RFTN1: variants seen among roughly 807,000 people sequenced by gnomAD.
RFTN1 encodes the protein raftlin, lipid raft linker 1.
In RFTN1, 26 loss-of-function variants were observed where a neutral mutation model predicts 46.5. The ratio of observed to expected loss-of-function variants is 0.56; its 90% CI spans 0.41 to 0.78. The LOEUF (loss-of-function observed/expected upper bound fraction) is 0.78, where lower values mean the gene tolerates loss of function less well. Among genes scored for constraint, RFTN1 ranks in the 30% least tolerant of loss-of-function variants. RFTN1 has a pLI of 0.00. For missense variants in RFTN1, 693 were observed against 718.7 expected, an observed-to-expected ratio of 0.96 and a Z score of 0.41; for synonymous variants, 261 against 284.2, an observed-to-expected ratio of 0.92 and a Z score of 0.82.
intron 6 of RFTN1, among the ~76,000 whole-genome samples, chr3:16,358,412 A>G (rs893643343): frequency 6.6e-6 from 1 of 151,192 alleles, no homozygotes; most frequent in Non-Finnish European, 1.5e-5. Flanking sequence ...TTTAGAAGCA[A>G]ACTATATTTA....
In RFTN1 at chr3:16,352,598, CA is replaced by C. The variant is rs754649571; in HGVS notation, c.1146+5333del. 2.6e-5 allele frequency among the ~76,000 whole-genome samples: 4 copies of C among 152,182 alleles called. No homozygotes were observed. The highest frequency in any genetic ancestry group is 5.9e-5 in the Non-Finnish European group (4 of 68,032). ...ATTTGACTCTACAGGTTCCCTAGCC[CA>C]ACCTCCTCTGTGCTTTTAGCATAAA... On this transcript the variant is annotated intron_variant, in intron 7 of 9. Coordinates refer to ENST00000334133, the MANE Select transcript of RFTN1 (RefSeq NM_015150.2). This position sits in a 1 kb window ranked among gnomAD's most constrained non-coding sequence, Gnocchi z 4.6.
rs1280523718 is a variant in RFTN1 at position 16,507,383 on chromosome 3, C to A, written c.-9+6059G>T. The stretch of plus-strand genomic sequence containing the variant: ...ATTAAAGAAGTGTTTAAATAAACAA[C>A]CTGATTTCTTGTGCTTTATATTTCC... On this transcript the variant is annotated intron_variant, in intron 1 of 9. Transcript: ENST00000334133. This position sits in a 1 kb window ranked among gnomAD's most constrained non-coding sequence, Gnocchi z 7.1. 1.3e-5 allele frequency among the ~76,000 whole-genome samples: 2 copies of A among 152,096 alleles called. No individual in the cohort carries two copies. The highest frequency in any genetic ancestry group is 2.9e-5 in the Non-Finnish European group (2 of 68,026).
In RFTN1 at chr3:16,493,936, C is replaced by T. The variant is rs919442772; in HGVS notation, c.-8-59G>A. The T allele has an allele frequency of 1.1e-5, 17 of 1,593,222 alleles. No homozygotes were observed. In the African/African-American group the frequency reaches 1.9e-4, roughly 18 times the overall value. ...TTTTTTCTGAGATTTTGTCTTTAAA[C>T]ACCCTAGTATAAAAGATGCCGTAAT... On this transcript the variant is annotated intron_variant, in intron 1 of 9. Coordinates refer to ENST00000334133, the MANE Select transcript of RFTN1 (RefSeq NM_015150.2).
At chr3:16,373,209 G>A (rs1490654497) in intron 5 of RFTN1, among the ~76,000 whole-genome samples, 1 of 152,216 alleles carries the variant, frequency 6.6e-6, no homozygotes, top group Non-Finnish European at 1.5e-5. Context: ...GGAAGGCATT[G>A]TTTTTGAGAA....
rs973915103 is a variant in RFTN1 at position 16,509,110 on chromosome 3, A to G, written c.-9+4332T>C. Among the ~76,000 whole-genome samples, 13 of 152,192 alleles carry G rather than the reference A, an allele frequency of 8.5e-5. No individual in the cohort carries two copies. Among genetic ancestry groups the G allele is most frequent in the Admixed American group, 6.5e-5 (1 of 15,278 alleles). The stretch of plus-strand genomic sequence containing the variant: ...TTCAATAAAATTGTAATCCTAATCA[A>G]CCAATAATATTTTAAATTATCATCA... On this transcript the variant is annotated intron_variant, in intron 1 of 9. Coordinates refer to ENST00000334133, the MANE Select transcript of RFTN1 (RefSeq NM_015150.2). The surrounding 1 kb of genome is among the most constrained non-coding windows in gnomAD (Gnocchi z 4.9).
rs906271085 is a variant in RFTN1, at chr3:16,504,550, C to T, written c.-9+8892G>A. 6.6e-6 allele frequency among the ~76,000 whole-genome samples: 1 copy of T among 152,202 alleles called. No homozygotes were observed. Among genetic ancestry groups the T allele is most frequent in the Non-Finnish European group, 1.5e-5 (1 of 68,032 alleles). On this transcript the variant is annotated intron_variant, in intron 1 of 9. Transcript: ENST00000334133. This position sits in a 1 kb window ranked among gnomAD's most constrained non-coding sequence, Gnocchi z 4.4. ...TTTCCCTCAAAGATGTGAAATATCC[C>T]TTGGCCACCCTGTGCCTTTGCTGCA...
intron 6 of RFTN1, among the ~76,000 whole-genome samples, chr3:16,362,255 T>C (rs1169847491): frequency 6.6e-6 from 1 of 152,172 alleles, no homozygotes; most frequent in Non-Finnish European, 1.5e-5. Context: ...AACTTCTTGT[T>C]TCCCATCCTG....
chr3:16,359,649 A>AC (rs2072700366), intron 6 of RFTN1, among the ~76,000 whole-genome samples: 1 of 152,200 alleles, frequency 6.6e-6, no homozygotes, highest in Non-Finnish European at 1.5e-5. Context: ...TTGACCATGG[A>AC]CTTCTATCCT....
chr3:16,399,116 CTAAAA>C (rs2074542435), intron 4 of RFTN1, among the ~76,000 whole-genome samples: 1 of 152,014 alleles, frequency 6.6e-6, no homozygotes, highest in Admixed American at 6.6e-5. Context: ...GCTCCAAATG[CTAAAA>C]ATTACATAAA....
chr3:16,487,733 A>C (rs1326236103), intron 2 of RFTN1, among the ~76,000 whole-genome samples: 1 of 152,176 alleles, frequency 6.6e-6, no homozygotes, highest in African/African-American at 2.4e-5. Context: ...ATTTTCACAG[A>C]GCTGACATAG....
chr3:16,375,264 T>C (rs977400387), intron 5 of RFTN1, among the ~76,000 whole-genome samples: 7 of 151,418 alleles, frequency 4.6e-5, no homozygotes, highest in Non-Finnish European at 7.4e-5. Flanking sequence ...AGGAGAAAGA[T>C]TAGGAGAGAG....
chr3:16,328,945 A>G (rs9831024), intron 7 of RFTN1, among the ~76,000 whole-genome samples: 9,614 of 152,312 alleles, frequency 0.063, 990 homozygotes, highest in African/African-American at 0.22. Flanking sequence ...ATTCTGCCAC[A>G]CTGCAAGGGG....
Position 16,475,098 on chromosome 3 carries a change from A to G in RFTN1, c.145+18627T>C, listed in dbSNP as rs1575344453. Among the ~76,000 whole-genome samples, 3 of 151,906 alleles carry G rather than the reference A, an allele frequency of 2.0e-5. No homozygotes were observed. Among genetic ancestry groups the G allele is most frequent in the African/African-American group, 7.3e-5 (3 of 41,334 alleles). ...AACTGGTTGTTTAAAAGAGCATGGC[A>G]CCTCCTCGTCTCTTGCTTCCTCTCT... On this transcript the variant is annotated intron_variant, in intron 2 of 9. Coordinates refer to ENST00000334133, the MANE Select transcript of RFTN1 (RefSeq NM_015150.2). The surrounding 1 kb of genome is among the most constrained non-coding windows in gnomAD (Gnocchi z 4.2).
At chr3:16,501,657 T>C (rs1057070114) in intron 1 of RFTN1, among the ~76,000 whole-genome samples, 6 of 152,250 alleles carry the variant, frequency 3.9e-5, no homozygotes, top group African/African-American at 1.4e-4. Flanking sequence ...TCAAATTCTG[T>C]ATTTGAAGAC....
At chr3:16,491,456 C>T (rs1169403849) in intron 2 of RFTN1, among the ~76,000 whole-genome samples, 4 of 152,164 alleles carry the variant, frequency 2.6e-5, no homozygotes, top group Non-Finnish European at 5.9e-5. Context: ...AGGGAGGCCA[C>T]GTGGGATATC....
At chr3:16,331,547 A>G (rs1311743618) in intron 7 of RFTN1, among the ~76,000 whole-genome samples, 2 of 151,726 alleles carry the variant, frequency 1.3e-5, no homozygotes, top group Non-Finnish European at 2.9e-5. Flanking sequence ...CATTTTTTTC[A>G]TCTTCCTGGT....
At chr3:16,333,077 G>A (rs1167251018) in intron 7 of RFTN1, among the ~76,000 whole-genome samples, 1 of 152,206 alleles carries the variant, frequency 6.6e-6, no homozygotes, top group East Asian at 1.9e-4. Context: ...TATAACTCAT[G>A]CCTGAACAAA....
At position 16,480,983 on chromosome 3, in the gene RFTN1, G is replaced by GCACACA. The variant is rs1386638438; in HGVS notation, c.145+12736_145+12741dup. 5.7e-5 allele frequency among the ~76,000 whole-genome samples: 7 copies of GCACACA among 123,584 alleles called. No homozygotes were observed. The highest frequency in any genetic ancestry group is 9.0e-5 in the Admixed American group (1 of 11,050). The allele number at this position is 123,584 out of a possible 152,430, so 81.1% of individuals were successfully genotyped here. A position where few individuals can be genotyped will look rare whatever the true frequency, so the allele number is the denominator to read the frequency against. Reference sequence around the variant, plus strand: ...GCTTGGGTTACACACATATGCACATGCACACACACACACAGACACACACAC... The same window carrying GCACACA: ...GCTTGGGTTACACACATATGCACATGCACACACACACACACACACAGACACACACAC... On this transcript the variant is annotated intron_variant, in intron 2 of 9. Transcript: ENST00000334133. This position sits in a 1 kb window ranked among gnomAD's most constrained non-coding sequence, Gnocchi z 4.3.
intron 7 of RFTN1, among the ~76,000 whole-genome samples, chr3:16,350,492 CT>C (rs11324617): frequency 0.43 from 62,783 of 146,358 alleles, 13,115 homozygotes; most frequent in East Asian, 0.49. Context: ...AGATGAATCA[CT>C]TTTTTTTTTT....
Sources: allele counts gnomAD v4.1 joint callset (sites outside exome capture counted in the v4.1 genomes callset), GRCh38; gene constraint gnomAD v4.1.1; non-coding constraint Gnocchi (gnomAD v3.1); transcripts MANE v1.5; gene names NCBI Gene and HGNC (gene_info 2026-07-23, HGNC 2026-07-21).